The following LMAN2L variants were observed in gnomAD, a reference collection of about 807,000 sequenced individuals.
LMAN2L encodes lectin, mannose binding 2 like.
Under a neutral mutation model 44.3 loss-of-function variants are expected in LMAN2L, and 30 were observed. That is an observed-to-expected ratio of 0.68 (90% CI 0.51 to 0.92). The LOEUF is 0.92. Among genes scored for constraint, LMAN2L ranks in the 40% least tolerant of loss-of-function variants. The probability of loss-of-function intolerance (pLI) is 0.00; values close to 1 mark genes in which losing one functional copy is unlikely to be tolerated. For missense variants in LMAN2L, 429 were observed against 446.1 expected (o/e 0.96, Z 0.35); for synonymous variants, 183 against 171.1 (o/e 1.07, Z -0.54).
chr2:96,725,097 C>G (rs1200466676), intron 4 of LMAN2L, among the ~76,000 whole-genome samples: 1 of 152,144 alleles, frequency 6.6e-6, no homozygotes, highest in Non-Finnish European at 1.5e-5. Flanking sequence ...TCCCAAAGTG[C>G]TGGGATTACA....
At chr2:96,738,924 G>C (rs2078575402) in intron 1 of LMAN2L, among the ~76,000 whole-genome samples, 1 of 152,094 alleles carries the variant, frequency 6.6e-6, no homozygotes, top group Non-Finnish European at 1.5e-5. Context: ...TGTATTTTCA[G>C]CAGAGATGGG....
intron 4 of LMAN2L, among the ~76,000 whole-genome samples, chr2:96,720,226 A>C (rs1179425066): frequency 6.6e-6 from 1 of 152,128 alleles, no homozygotes; most frequent in Non-Finnish European, 1.5e-5. Flanking sequence ...CTGCCTCCCC[A>C]GGGGTGAGGC....
At chr2:96,709,754 AAG>A (rs1337831019) in intron 6 of LMAN2L, among the ~76,000 whole-genome samples, 1 of 152,384 alleles carries the variant, frequency 6.6e-6, no homozygotes, top group East Asian at 1.9e-4. Flanking sequence ...TACAACAAGT[AAG>A]AGGATGGCAA....
At chr2:96,737,606 T>C (rs2078543000) in intron 2 of LMAN2L, among the ~76,000 whole-genome samples, 1 of 152,230 alleles carries the variant, frequency 6.6e-6, no homozygotes, top group Non-Finnish European at 1.5e-5. Flanking sequence ...TGAGCTATGA[T>C]TGTGCCACTG....
intron 4 of LMAN2L, among the ~76,000 whole-genome samples, chr2:96,728,528 T>TGCACAG (rs1180497084): frequency 7.3e-6 from 1 of 137,698 alleles, no homozygotes; most frequent in African/African-American, 2.7e-5. Flanking sequence ...AAAAAGAAAT[T>TGCACAG]GCACAGGACA....
chr2:96,739,021 G>T (rs1165171659), intron 1 of LMAN2L, among the ~76,000 whole-genome samples: 1 of 152,144 alleles, frequency 6.6e-6, no homozygotes, highest in South Asian at 2.1e-4. Context: ...GATTACAGGC[G>T]TGAGCCACCG....
At chr2:96,735,674 T>TA (rs1397811576) in intron 2 of LMAN2L, among the ~76,000 whole-genome samples, 1 of 151,808 alleles carries the variant, frequency 6.6e-6, no homozygotes, top group Non-Finnish European at 1.5e-5. Flanking sequence ...CCGTCTCTAC[T>TA]AAAAAATACA....
At chr2:96,726,957 G>C (rs75763821) in intron 4 of LMAN2L, among the ~76,000 whole-genome samples, 1 of 151,830 alleles carries the variant, frequency 6.6e-6, no homozygotes, top group Non-Finnish European at 1.5e-5. Flanking sequence ...GGTGGTGCAC[G>C]TCTGTAATCT....
At chr2:96,738,106 C>T in intron 1 of LMAN2L, 39 bp from the exon 2 acceptor site, 1 of 1,413,022 alleles carries the variant, frequency 7.1e-7, no homozygotes, top group Non-Finnish European at 1.0e-6. Context: ...CTTTTCAACA[C>T]CAATCCATTC....
chr2:96,737,875 T>C (rs1436463661), intron 2 of LMAN2L, 74 bp downstream of exon 2: 2 of 839,848 alleles, frequency 2.4e-6, no homozygotes, highest in East Asian at 4.9e-5. Context: ...GACAGTAAAA[T>C]TAAATCAGTA....
chr2:96,710,324 A>T (rs1473880193), intron 6 of LMAN2L, among the ~76,000 whole-genome samples: 9 of 152,300 alleles, frequency 5.9e-5, no homozygotes, highest in South Asian at 4.1e-4. Context: ...AGTTGATTTT[A>T]AAAAAATCAG....
At chr2:96,713,116 T>C in intron 4 of LMAN2L, 2 of 1,551,398 alleles carry the variant, frequency 1.3e-6, no homozygotes, top group African/African-American at 1.4e-5. Context: ...CCTGGACTCC[T>C]GGAGAATATC....
intron 4 of LMAN2L, 75 bp downstream of exon 4, chr2:96,733,444 C>T: frequency 9.1e-7 from 1 of 1,094,886 alleles, no homozygotes; most frequent in South Asian, 1.3e-5. Context: ...CCTTTGTTCC[C>T]TCCTGTACAA....
chr2:96,734,713 T>A, intron 2 of LMAN2L, 187 bp from the exon 3 acceptor site: 1 of 578,028 alleles, frequency 1.7e-6, no homozygotes, highest in South Asian at 2.2e-5. Context: ...ATTCAACTGT[T>A]TAGAGATTTA....
chr2:96,711,609 G>T, intron 6 of LMAN2L, 47 bp downstream of exon 6: 2 of 1,269,538 alleles, frequency 1.6e-6, no homozygotes, highest in South Asian at 1.2e-5. Context: ...TGTGGGTATT[G>T]AGAAGAGGCC....
At chr2:96,715,827 C>T (rs1370903267) in intron 4 of LMAN2L, among the ~76,000 whole-genome samples, 1 of 152,240 alleles carries the variant, frequency 6.6e-6, no homozygotes, top group Non-Finnish European at 1.5e-5. Flanking sequence ...GACCTGAGTT[C>T]TAACTGCAGT....
chr2:96,711,601 T>G, intron 6 of LMAN2L, 55 bp downstream of exon 6: 1 of 1,142,762 alleles, frequency 8.8e-7, no homozygotes, highest in South Asian at 1.2e-5. Flanking sequence ...CAATGAAGTG[T>G]GGGTATTGAG....
At chr2:96,712,153 A>C in intron 4 of LMAN2L, 128 bp from the exon 5 acceptor site, 10 of 857,404 alleles carry the variant, frequency 1.2e-5, no homozygotes, top group East Asian at 2.7e-5. Flanking sequence ...ACTCGACCTC[A>C]TTGTCAGCAG....
intron 1 of LMAN2L, 147 bp downstream of exon 1, chr2:96,739,707 C>T: frequency 1.3e-6 from 1 of 796,774 alleles, no homozygotes; most frequent in African/African-American, 1.7e-5. Context: ...CCTGTGGCTC[C>T]CAAACGCGGA....
Sources: gnomAD v4.1 joint callset for allele counts (sites outside exome capture counted in the v4.1 genomes callset) on GRCh38, gnomAD v4.1.1 for gene constraint, MANE v1.5 for transcripts, NCBI Gene and HGNC (gene_info 2026-07-23, HGNC 2026-07-21) for gene names.